PDE7A: variants seen among roughly 807,000 people sequenced by gnomAD.
PDE7A encodes high affinity 3',5'-cyclic-AMP phosphodiesterase 7A.
PDE7A carries 39 observed loss-of-function variants against 64.3 expected under a neutral mutation model. The observed-to-expected ratio is 0.61, with a 90% CI of 0.47 to 0.79. The LOEUF is 0.79. Among genes scored for constraint, PDE7A ranks in the 30% least tolerant of loss-of-function variants. PDE7A has a pLI of 0.00. For synonymous variants in PDE7A, 203 were observed against 206.8 expected (o/e 0.98, Z 0.16); for missense variants, 470 against 582.8 (o/e 0.81, Z 1.99).
At chr8:65,723,500 G>A in intron 12 of PDE7A, 41 bp downstream of exon 12, 1 of 1,392,286 alleles carries the variant, frequency 7.2e-7, no homozygotes, top group Non-Finnish European at 9.4e-7. Flanking sequence ...TAAAAACAGT[G>A]GCATTTTTCT....
At chr8:65,779,359 A>G (rs1161500736) in intron 3 of PDE7A, among the ~76,000 whole-genome samples, 1 of 152,360 alleles carries the variant, frequency 6.6e-6, no homozygotes, top group East Asian at 1.9e-4. Context: ...GATAAGTTAA[A>G]CTACTGAAAT....
intron 3 of PDE7A, among the ~76,000 whole-genome samples, chr8:65,778,024 C>T (rs1809308556): frequency 6.6e-6 from 1 of 152,138 alleles, no homozygotes; most frequent in Admixed American, 6.5e-5. Flanking sequence ...CCTTCTAGGA[C>T]CTTAATTACT....
In PDE7A at chr8:65,716,748, G is replaced by C. The variant is rs920496783; in HGVS notation, c.*2542C>G. Reference sequence around the variant, plus strand: ...TGGTTAATGTGGGTTTGCCATGATAGTTCCACTCTCTATGTACTGAAACAG... The same window carrying C: ...TGGTTAATGTGGGTTTGCCATGATACTTCCACTCTCTATGTACTGAAACAG... On this transcript the variant is annotated 3_prime_UTR_variant, in exon 13 of 13. Coordinates refer to ENST00000401827, the MANE Select transcript of PDE7A (RefSeq NM_001242318.3). Among the ~76,000 whole-genome samples, 1 of 152,198 alleles carries C rather than the reference G, an allele frequency of 6.6e-6. No individual in the cohort carries two copies. Among genetic ancestry groups the C allele is most frequent in the African/African-American group, 2.4e-5 (1 of 41,444 alleles).
chr8:65,841,716 G>A lies in PDE7A; in HGVS notation c.-208C>T, dbSNP rs1190044732. The A allele has an allele frequency of 3.2e-5, 5 of 154,614 alleles. No individual in the cohort carries two copies. The highest frequency in any genetic ancestry group is 1.4e-5 in the Non-Finnish European group (1 of 70,744). The allele number at this position is 154,614 out of a possible 1,614,324, so 9.6% of individuals were successfully genotyped here. A position where few individuals can be genotyped will look rare whatever the true frequency, so the allele number is the denominator to read the frequency against. ...GGCGGGAAGGCTCCGCGGCGGCCGC[G>A]GCGCCAATTACCAGGACCGGCGCGC... On this transcript the variant is annotated 5_prime_UTR_variant, in exon 1 of 13. Transcript: ENST00000401827.
intron 1 of PDE7A, among the ~76,000 whole-genome samples, chr8:65,812,267 CAT>C (rs928274397): frequency 2.0e-5 from 3 of 149,634 alleles, no homozygotes; most frequent in African/African-American, 7.4e-5. Context: ...AAGAATTTCA[CAT>C]GTGATAGAGG....
chr8:65,739,036 G>A (rs1057302109), intron 6 of PDE7A, among the ~76,000 whole-genome samples: 4 of 152,216 alleles, frequency 2.6e-5, no homozygotes, highest in Non-Finnish European at 4.4e-5. Context: ...AAGGTGGGCC[G>A]ATTCTGAGCC....
At chr8:65,770,858 T>C (rs1809049054) in intron 3 of PDE7A, 1 of 156,978 alleles carries the variant, frequency 6.4e-6, no homozygotes, top group Non-Finnish European at 1.4e-5. Flanking sequence ...AGGAATTTGT[T>C]TAGATGTGAG....
chr8:65,737,504 A>AATT (rs979537579), intron 6 of PDE7A, among the ~76,000 whole-genome samples: 11 of 152,156 alleles, frequency 7.2e-5, no homozygotes, highest in Non-Finnish European at 1.3e-4. Flanking sequence ...TGGTTATATT[A>AATT]ATTATTATTA....
rs532100391 is a variant in PDE7A, at chr8:65,801,430, A to T, written c.139-18587T>A. ...AAGTAAAGTAATGAAGCTGGCTTTC[A>T]ACTCAAGGTCAAATTAAAGTGGGTG... On this transcript the variant is annotated intron_variant, in intron 1 of 12. Transcript: ENST00000401827. Among the ~76,000 whole-genome samples, 16 of 152,342 alleles carry T rather than the reference A, an allele frequency of 1.1e-4. 1 individual carries two copies. The South Asian group carries it at 3.3e-3, about 32-fold the overall frequency.
intron 1 of PDE7A, among the ~76,000 whole-genome samples, chr8:65,839,636 A>C (rs7005571): frequency 6.6e-6 from 1 of 152,110 alleles, no homozygotes; most frequent in Non-Finnish European, 1.5e-5. Flanking sequence ...AATTTTTTTA[A>C]AAGTTGTAAG....
At chr8:65,735,449 C>G (rs746431358) in intron 6 of PDE7A, among the ~76,000 whole-genome samples, 1 of 152,018 alleles carries the variant, frequency 6.6e-6, no homozygotes, top group Admixed American at 6.6e-5. Flanking sequence ...GTTGGAACCA[C>G]AGGTGCATGC....
At chr8:65,779,489 G>A (rs1039995756) in intron 3 of PDE7A, among the ~76,000 whole-genome samples, 2 of 152,122 alleles carry the variant, frequency 1.3e-5, no homozygotes, top group Non-Finnish European at 2.9e-5. Flanking sequence ...AATTAGAGGA[G>A]AAGAGAAAAG....
intron 9 of PDE7A, 53 bp downstream of exon 9, chr8:65,726,822 C>A (rs1806632159): frequency 2.2e-6 from 2 of 921,478 alleles, no homozygotes; most frequent in East Asian, 4.9e-5. Context: ...ATTACTTTGC[C>A]AACTTAACTT....
chr8:65,739,848 A>G (rs1231642125), intron 5 of PDE7A, among the ~76,000 whole-genome samples: 1 of 152,150 alleles, frequency 6.6e-6, no homozygotes, highest in African/African-American at 2.4e-5. Context: ...ACATTTTCAA[A>G]TAGATTAATT....
At position 65,747,678 on chromosome 8, in the gene PDE7A, C is replaced by T; in HGVS notation, c.409G>A (p.Asp137Asn). The T allele has an allele frequency of 1.9e-6, 3 of 1,609,768 alleles. No individual in the cohort carries two copies. Among genetic ancestry groups the T allele is most frequent in the Non-Finnish European group, 2.5e-6 (3 of 1,177,288 alleles). Reference sequence around the variant, plus strand: ...TTGGCTTGTCCATTATAATCATCATCTAAAATGTTTAGGGAATTTGAAACC... The same window carrying T: ...TTGGCTTGTCCATTATAATCATCATTTAAAATGTTTAGGGAATTTGAAACC... ...TAVSNSLNIL[D>N]DDYNGQAKCM... The change falls in exon 4 of 13, where the codon GAT becomes AAT. Residue 137 changes from aspartate (D) to asparagine (N), a missense_variant. Asp to Asn is a conservative substitution (Grantham distance 23). Coordinates refer to ENST00000401827, the MANE Select transcript of PDE7A (RefSeq NM_001242318.3).
chr8:65,828,595 T>G (rs1810736973), intron 1 of PDE7A, among the ~76,000 whole-genome samples: 1 of 152,140 alleles, frequency 6.6e-6, no homozygotes, highest in Non-Finnish European at 1.5e-5. Context: ...ATTGCCCCTT[T>G]GGACAAATTC....
Position 65,719,132 on chromosome 8 carries a change from A to G in PDE7A, c.*158T>C. On this transcript the variant is annotated 3_prime_UTR_variant, in exon 13 of 13. Coordinates refer to ENST00000401827, the MANE Select transcript of PDE7A (RefSeq NM_001242318.3). The stretch of plus-strand genomic sequence containing the variant: ...GGTCTTGCAATTAACAAGTGGGTTC[A>G]AATGATCCAACAGAGGAAATCTTGG... 1.6e-6 allele frequency: 1 copy of G among 616,514 alleles called. No homozygotes were observed. The highest frequency in any genetic ancestry group is 2.0e-5 in the South Asian group (1 of 51,084). The allele number at this position is 616,514 out of a possible 1,614,324, so 38.2% of individuals were successfully genotyped here.
chr8:65,757,665 C>CTGAA (rs1451389859), intron 3 of PDE7A, among the ~76,000 whole-genome samples: 1 of 152,188 alleles, frequency 6.6e-6, no homozygotes, highest in Non-Finnish European at 1.5e-5. Flanking sequence ...GTCGCCCAGG[C>CTGAA]TGAAGTGCAG....
At chr8:65,811,164 G>A (rs557101208) in intron 1 of PDE7A, among the ~76,000 whole-genome samples, 1 of 152,216 alleles carries the variant, frequency 6.6e-6, no homozygotes, top group African/African-American at 2.4e-5. Flanking sequence ...GAAGATGAGA[G>A]CAACTTTACC....
Sources: allele counts gnomAD v4.1 joint callset (sites outside exome capture counted in the v4.1 genomes callset), GRCh38; gene constraint gnomAD v4.1.1; transcripts MANE v1.5; gene names NCBI Gene and HGNC (gene_info 2026-07-23, HGNC 2026-07-21).